Variants in ARHGEF18 observed in about 807,000 individuals in gnomAD.
ARHGEF18 encodes Rho/Rac guanine nucleotide exchange factor 18, also known as rho guanine nucleotide exchange factor 18.
A neutral mutation model predicts 155.7 loss-of-function variants in ARHGEF18; 93 were observed. The observed-to-expected ratio is 0.60, with a 90% CI of 0.50 to 0.71. The LOEUF is 0.71. ARHGEF18 is among the 30% of genes least tolerant of loss of function. The pLI, the probability that ARHGEF18 is intolerant of heterozygous loss-of-function variation, is 0.00. For synonymous variants in ARHGEF18, 742 were observed against 753.1 expected, an observed-to-expected ratio of 0.99 and a Z score of 0.24; for missense variants, 1,593 against 1,816.1, an observed-to-expected ratio of 0.88 and a Z score of 2.23.
At chr19:7,458,382 T>G in intron 18 of ARHGEF18, 130 bp from the exon 19 acceptor site, 1 of 769,120 alleles carries the variant, frequency 1.3e-6, no homozygotes, top group Non-Finnish European at 1.9e-6. Flanking sequence ...TATTTCCGCT[T>G]TGAATTGTTT....
rs758605287 is a variant in ARHGEF18, at chr19:7,415,376, CT to C, written c.968-24967del. 3.3e-5 allele frequency among the ~76,000 whole-genome samples: 5 copies of C among 152,276 alleles called. No homozygotes were observed. In the East Asian group the frequency reaches 7.7e-4, roughly 24 times the overall value. ...CCACTTCATGGCCCCTGCACCGCCC[CT>C]CTCTGCCACTCTCCACCCTGCCCTC... On this transcript the variant is annotated intron_variant, in intron 10 of 28. Coordinates refer to ENST00000668164, the MANE Select transcript of ARHGEF18 (RefSeq NM_001367823.1).
intron 2 of ARHGEF18, among the ~76,000 whole-genome samples, chr19:7,365,660 T>A (rs538888456): frequency 6.6e-6 from 1 of 152,316 alleles, no homozygotes; most frequent in Non-Finnish European, 1.5e-5. Flanking sequence ...CCCCACCCGC[T>A]GGCAAATCTG....
rs773075881 is a variant in ARHGEF18, at chr19:7,447,033, T to C, written c.1612-10T>C. On this transcript the variant is annotated splice_polypyrimidine_tract_variant and intron_variant, in intron 14 of 28. Transcript: ENST00000668164. ...TGTTTAATTAACATTTCCATCCTTT[T>C]GTTTATCAGTTTTCAGGTGAAAATG... 6.2e-5 allele frequency: 100 copies of C among 1,610,312 alleles called. No individual in the cohort carries two copies. The highest frequency in any genetic ancestry group is 8.2e-5 in the Non-Finnish European group (97 of 1,179,074).
Position 7,469,976 on chromosome 19 carries a change from G to T in ARHGEF18, c.3860G>T (p.Arg1287Leu). Reference protein sequence around the residue: ...MGKDESTSRNRRSLSPILPGR... With the variant: ...MGKDESTSRNLRSLSPILPGR... ...AAAGATGAGAGCACCTCACGGAACCGCCGCTCGCTGAGCCCTATCCTGCCC... is the reference window on the plus strand; with the variant it reads ...AAAGATGAGAGCACCTCACGGAACCTCCGCTCGCTGAGCCCTATCCTGCCC... Residue 1287 changes from arginine to leucine, a missense_variant, in exon 28 of 29, where the codon CGC becomes CTC. Transcript: ENST00000668164. 1 of 1,613,162 alleles carries T rather than the reference G, an allele frequency of 6.2e-7. No individual in the cohort carries two copies.
chr19:7,442,866 A>G (rs990392223), intron 13 of ARHGEF18, among the ~76,000 whole-genome samples: 16 of 151,986 alleles, frequency 1.1e-4, no homozygotes, highest in African/African-American at 3.9e-4. Context: ...GTGTCCTCAC[A>G]AGGTCTTCAT....
chr19:7,402,411 T>TGGGCAA (rs1972063142), intron 10 of ARHGEF18, among the ~76,000 whole-genome samples: 1 of 152,156 alleles, frequency 6.6e-6, no homozygotes, highest in Non-Finnish European at 1.5e-5. Flanking sequence ...TGAGCGAGAC[T>TGGGCAA]CTGTCTCAAA....
intron 10 of ARHGEF18, among the ~76,000 whole-genome samples, chr19:7,384,532 T>C (rs1327245716): frequency 6.6e-6 from 1 of 152,200 alleles, no homozygotes; most frequent in Non-Finnish European, 1.5e-5. Context: ...TTTTCCTCTC[T>C]TTCTGCAGTG....
At chr19:7,383,012 G>A in intron 9 of ARHGEF18, 50 bp from the exon 10 acceptor site, 1 of 1,232,380 alleles carries the variant, frequency 8.1e-7, no homozygotes, top group Non-Finnish European at 1.0e-6. Flanking sequence ...GTATATAAGA[G>A]GGCCAGTGCC....
At chr19:7,473,582 T>C (rs752682398), downstream of ARHGEF18, among the ~76,000 whole-genome samples, 18 of 150,898 alleles carry the variant, frequency 1.2e-4, no homozygotes, top group South Asian at 4.2e-4. Context: ...GAAGCCAAGG[T>C]GGGCAGATTA....
rs1221467061 is a variant in ARHGEF18 at position 7,372,889 on chromosome 19, G to A, written c.93G>A (p.Glu31=). Residue 31 remains glutamate, a synonymous_variant, in exon 3 of 29, where the codon GAG becomes GAA. Coordinates refer to ENST00000668164, the MANE Select transcript of ARHGEF18 (RefSeq NM_001367823.1). Reference sequence around the variant, plus strand: ...ATTTGGGGGCCCTTCAGGGCAGCGAGTATCTGCAGGACCTGGGCCTTGGGG... The same window carrying A: ...ATTTGGGGGCCCTTCAGGGCAGCGAATATCTGCAGGACCTGGGCCTTGGGG... ...SLDLGALQGS[E]YLQDLGLGAP... 8.1e-7 allele frequency: 1 copy of A among 1,234,548 alleles called. No homozygotes were observed. The highest frequency in any genetic ancestry group is 3.2e-5 in the East Asian group (1 of 31,708). 76.5% of individuals were successfully genotyped at this position (1,234,548 alleles called of 1,614,324 possible). A position where few individuals can be genotyped will look rare whatever the true frequency, so the allele number is the denominator to read the frequency against.
At chr19:7,456,616 C>T (rs1330768179) in intron 18 of ARHGEF18, among the ~76,000 whole-genome samples, 1 of 152,156 alleles carries the variant, frequency 6.6e-6, no homozygotes, top group African/African-American at 2.4e-5. Flanking sequence ...ACTCAGGAGG[C>T]TGAGGCAGGA....
At chr19:7,357,319 C>T (rs1969348725) in intron 1 of ARHGEF18, among the ~76,000 whole-genome samples, 1 of 152,190 alleles carries the variant, frequency 6.6e-6, no homozygotes, top group Admixed American at 6.5e-5. Context: ...GACCCAGGTC[C>T]CTAAGAAGTT....
chr19:7,445,898 C>T (rs1453459889), intron 14 of ARHGEF18, among the ~76,000 whole-genome samples: 2 of 152,140 alleles, frequency 1.3e-5, no homozygotes, highest in African/African-American at 2.4e-5. Context: ...GCTGGGATTA[C>T]GTATGTGAGC....
rs1161069294 is a variant in ARHGEF18 at position 7,462,617 on chromosome 19, C to T, written c.2635+283C>T. 1.3e-5 allele frequency among the ~76,000 whole-genome samples: 2 copies of T among 148,282 alleles called. No homozygotes were observed. The highest frequency in any genetic ancestry group is 5.3e-5 in the African/African-American group (2 of 37,706). ...CTCCCTGCATGCAGAGGCTCTAAGC[C>T]GGGCCGTGGGGAGGATCTGAAGTTG... is the stretch of plus-strand genomic sequence containing the variant. On this transcript the variant is annotated intron_variant, in intron 21 of 28. Transcript: ENST00000668164. This position sits in a 1 kb window ranked among gnomAD's most constrained non-coding sequence, Gnocchi z 4.4.
chr19:7,385,870 T>TCTCTCTCTCTCTCTCTCTCTCC lies in ARHGEF18; in HGVS notation c.967+2668_967+2669insTCTCTCTCTCTCTCTCTCTCCC, dbSNP rs1555704468. ...CTCTCTCTCTCTCTCTCTCTCTCTC[T>TCTCTCTCTCTCTCTCTCTCTCC]CCCCCCTCCCTCTCTCCCTCCCTCC... On this transcript the variant is annotated intron_variant, in intron 10 of 28. Coordinates refer to ENST00000668164, the MANE Select transcript of ARHGEF18 (RefSeq NM_001367823.1). Among the ~76,000 whole-genome samples, 11 of 29,564 alleles carry TCTCTCTCTCTCTCTCTCTCTCC rather than the reference T, an allele frequency of 3.7e-4. 1 individual carries two copies. Among genetic ancestry groups the TCTCTCTCTCTCTCTCTCTCTCC allele is most frequent in the African/African-American group, 1.5e-3 (8 of 5,294 alleles). 19.4% of individuals were successfully genotyped at this position (29,564 alleles called of 152,430 possible).
intron 10 of ARHGEF18, among the ~76,000 whole-genome samples, chr19:7,408,239 C>T (rs994339256): frequency 5.3e-5 from 8 of 152,082 alleles, no homozygotes; most frequent in Non-Finnish European, 1.2e-4. Flanking sequence ...AATCGCACCA[C>T]TGCCTCCAGC....
intron 10 of ARHGEF18, among the ~76,000 whole-genome samples, chr19:7,421,046 T>A (rs542937706): frequency 3.3e-5 from 5 of 152,308 alleles, no homozygotes; most frequent in African/African-American, 1.2e-4. Flanking sequence ...TCCTTCCACC[T>A]CAGCCTCCTG....
At chr19:7,478,215 C>T in the ARHGEF18 span, 66 of 1,315,924 alleles carry the variant, frequency 5.0e-5, no homozygotes, top group Admixed American at 6.0e-4. Flanking sequence ...CTGAGCACAA[C>T]AGTCCCCAGC....
At chr19:7,414,927 A>T (rs1193205270) in intron 10 of ARHGEF18, among the ~76,000 whole-genome samples, 1 of 152,052 alleles carries the variant, frequency 6.6e-6, no homozygotes, top group Non-Finnish European at 1.5e-5. Flanking sequence ...CCCAGAAAGC[A>T]GAGGTTGCAG....
Sources: gnomAD v4.1 joint callset for allele counts (sites outside exome capture counted in the v4.1 genomes callset) on GRCh38, gnomAD v4.1.1 for gene constraint, Gnocchi (gnomAD v3.1) non-coding constraint, MANE v1.5 for transcripts, NCBI Gene and HGNC (gene_info 2026-07-23, HGNC 2026-07-21) for gene names.